The following NUDC variants were observed in gnomAD, a reference collection of about 807,000 sequenced individuals.
The protein encoded by NUDC is nuclear migration protein nudC.
In NUDC, 14 loss-of-function variants were observed where a neutral mutation model predicts 45.0. That is an observed-to-expected ratio of 0.31 (90% CI 0.21 to 0.49). The LOEUF (loss-of-function observed/expected upper bound fraction) is 0.49. Ranked by LOEUF, NUDC falls within the 20% of genes least tolerant of loss-of-function variation. The pLI, the probability that NUDC is intolerant of heterozygous loss-of-function variation, is 0.99. For missense variants in NUDC, 323 were observed against 426.2 expected (o/e 0.76, Z 2.13); for synonymous variants, 153 against 156.7 (o/e 0.98, Z 0.17).
chr1:26,929,123 TGGA>T (rs2082157482), intron 2 of NUDC, among the ~76,000 whole-genome samples: 1 of 152,210 alleles, frequency 6.6e-6, no homozygotes, highest in African/African-American at 2.4e-5. Context: ...GGATGTACCT[TGGA>T]GGACATCATG....
At chr1:26,936,155 ATATATATATATTTTTTTTTTTTTTTTTTT>A (rs2082230025) in intron 2 of NUDC, among the ~76,000 whole-genome samples, 1 of 9,916 alleles carries the variant, frequency 1.0e-4, no homozygotes, top group East Asian at 2.6e-3. Flanking sequence ...ATATATATAT[ATATATATATATTTTTTTTTTTTTTTTTTT>A]TTTTTTTTTT....
intron 2 of NUDC, among the ~76,000 whole-genome samples, chr1:26,932,007 T>A (rs369475367): frequency 9.3e-5 from 14 of 149,874 alleles, no homozygotes; most frequent in East Asian, 6.0e-4. Flanking sequence ...TTTTAATTTT[T>A]ATTTAATTTA....
chr1:26,941,958 AGAT>A, intron 4 of NUDC, 140 bp downstream of exon 4: 2 of 849,946 alleles, frequency 2.4e-6, no homozygotes, highest in Non-Finnish European at 3.9e-6. Context: ...CCATACTTTA[AGAT>A]CACACTCAGA....
chr1:26,925,651 A>G (rs1481969397), intron 2 of NUDC, among the ~76,000 whole-genome samples: 2 of 150,426 alleles, frequency 1.3e-5, no homozygotes, highest in Middle Eastern at 3.2e-3. Flanking sequence ...TGATTCTGAG[A>G]CCTTGAACTT....
chr1:26,902,176 A>T (rs1372555055), intron 1 of NUDC: 1 of 152,202 alleles, frequency 6.6e-6, no homozygotes, highest in Non-Finnish European at 1.5e-5. Context: ...ACAAAGCCAG[A>T]CACAGACTCC....
In NUDC at chr1:26,912,046, C is replaced by T. The variant is rs146974913; in HGVS notation, c.93+811C>T. 6 of 1,613,990 alleles carry T rather than the reference C, an allele frequency of 3.7e-6. No individual in the cohort carries two copies. The Admixed American group carries it at 8.3e-5, about 22-fold the overall frequency. ...ACAGCACCCAGTGAGCCTCCTGCTGCAGGTGCCCAATGTGGGAGGCGGCTT... is the reference window on the plus strand; with the variant it reads ...ACAGCACCCAGTGAGCCTCCTGCTGTAGGTGCCCAATGTGGGAGGCGGCTT... On this transcript the variant is annotated intron_variant, in intron 3 of 6. Coordinates refer to the NUDC transcript ENST00000435827.
upstream of NUDC, among the ~76,000 whole-genome samples, chr1:26,920,168 C>T (rs1295695266): frequency 2.0e-5 from 3 of 152,188 alleles, no homozygotes; most frequent in Non-Finnish European, 4.4e-5. Flanking sequence ...ATATGTAGCA[C>T]TGTAACCATA....
intron 6 of NUDC, chr1:26,945,154 ATAT>A: frequency 1.7e-6 from 1 of 595,800 alleles, no homozygotes; most frequent in South Asian, 2.0e-5. Flanking sequence ...CCCTGGATGA[ATAT>A]CTCCCTTTCT....
chr1:26,921,520 A>ACGGCAT (rs2082090324), upstream of NUDC, among the ~76,000 whole-genome samples: 1 of 152,210 alleles, frequency 6.6e-6, no homozygotes, highest in Non-Finnish European at 1.5e-5. Context: ...AGAAGTCTCC[A>ACGGCAT]CGGCATCGGG....
chr1:26,931,589 G>A (rs2082184374), intron 2 of NUDC, among the ~76,000 whole-genome samples: 1 of 149,494 alleles, frequency 6.7e-6, no homozygotes, highest in South Asian at 2.2e-4. Context: ...GACTATCCTG[G>A]CCAACGCGGT....
chr1:26,901,523 G>C (rs1485538294), intron 1 of NUDC, among the ~76,000 whole-genome samples: 1 of 147,740 alleles, frequency 6.8e-6, no homozygotes, highest in Non-Finnish European at 1.5e-5. Flanking sequence ...TCCTGTCTCA[G>C]CCTCCCGAGT....
At chr1:26,925,186 A>C (rs1483083420) in intron 2 of NUDC, among the ~76,000 whole-genome samples, 1 of 149,992 alleles carries the variant, frequency 6.7e-6, no homozygotes, top group Non-Finnish European at 1.5e-5. Context: ...CGGCCTGAGG[A>C]GGTTTTAACT....
At position 26,925,761 on chromosome 1, in the gene NUDC, G is replaced by A. The variant is rs1375657875; in HGVS notation, c.159+1595G>A. ...TTTTGAGACAGAGTTTCACTCTGTTGCCCAGGCTGCAGTGCAATGGCACGA... is the reference window on the plus strand; with the variant it reads ...TTTTGAGACAGAGTTTCACTCTGTTACCCAGGCTGCAGTGCAATGGCACGA... On this transcript the variant is annotated intron_variant, in intron 2 of 8. Transcript: ENST00000321265. Among the ~76,000 whole-genome samples, 5 of 119,232 alleles carry A rather than the reference G, an allele frequency of 4.2e-5. No individual in the cohort carries two copies. In the Admixed American group the frequency reaches 5.0e-4, roughly 12 times the overall value. The allele number at this position is 119,232 out of a possible 152,430, so 78.2% of individuals were successfully genotyped here.
chr1:26,901,082 TAA>T (rs2081976358), intron 1 of NUDC, among the ~76,000 whole-genome samples: 1 of 152,184 alleles, frequency 6.6e-6, no homozygotes, highest in Admixed American at 6.6e-5. Context: ...GGTGGAAATG[TAA>T]GTTGATACAA....
chr1:26,915,081 A>G (rs1413353259), intron 3 of NUDC, among the ~76,000 whole-genome samples: 4 of 148,140 alleles, frequency 2.7e-5, no homozygotes, highest in African/African-American at 5.0e-5. Context: ...ATATATGTAT[A>G]TATATGGTTG....
chr1:26,929,423 AAAC>A (rs1395691280), intron 2 of NUDC, among the ~76,000 whole-genome samples: 2 of 152,072 alleles, frequency 1.3e-5, no homozygotes, highest in Admixed American at 1.3e-4. Context: ...CAAAAAAAAA[AAAC>A]AAATTAAAAA....
chr1:26,942,243 ATC>A (rs2124139133), intron 4 of NUDC, among the ~76,000 whole-genome samples: 1 of 152,270 alleles, frequency 6.6e-6, no homozygotes, highest in East Asian at 1.9e-4. Context: ...ATGAGCCGAG[ATC>A]ACGCCACTGC....
At chr1:26,925,473 G>A (rs538076183) in intron 2 of NUDC, among the ~76,000 whole-genome samples, 1,704 of 146,658 alleles carry the variant, frequency 0.012, 17 homozygotes, top group Admixed American at 0.015. Context: ...CCCGGGGGGC[G>A]GAGCTTGCAG....
At chr1:26,900,428 G>T in intron 1 of NUDC, 3 of 1,609,034 alleles carry the variant, frequency 1.9e-6, no homozygotes, top group East Asian at 2.2e-5. Context: ...CCTCCGCCTC[G>T]CCGGGCACCG....
Sources: allele counts gnomAD v4.1 joint callset (sites outside exome capture counted in the v4.1 genomes callset), GRCh38; gene constraint gnomAD v4.1.1; transcripts MANE v1.5; gene names NCBI Gene and HGNC (gene_info 2026-07-23, HGNC 2026-07-21).